Variants in PSD3 observed in about 807,000 individuals in gnomAD.
PSD3 encodes the protein pleckstrin and Sec7 domain containing 3.
In PSD3, 49 loss-of-function variants were observed where a neutral mutation model predicts 105.5. The observed-to-expected ratio is 0.46, with a 90% CI of 0.37 to 0.59. The LOEUF is 0.59. PSD3 is among the 20% of genes least tolerant of loss of function. PSD3 has a pLI of 0.00. For synonymous variants in PSD3, 557 were observed against 457.8 expected, an observed-to-expected ratio of 1.22 and a Z score of -2.77; for missense variants, 1,561 against 1,263.8, an observed-to-expected ratio of 1.24 and a Z score of -3.57.
At chr8:18,588,115 T>C (rs1017927931) in intron 12 of PSD3, among the ~76,000 whole-genome samples, 2 of 152,164 alleles carry the variant, frequency 1.3e-5, no homozygotes, top group Non-Finnish European at 2.9e-5. Context: ...AAGAACGCTA[T>C]GATGCAAAAG....
At position 18,756,127 on chromosome 8, in the gene PSD3, C is replaced by T. The variant is rs992015778; in HGVS notation, c.2172+9322G>A. On this transcript the variant is annotated intron_variant, in intron 9 of 15. Coordinates refer to ENST00000327040, the MANE Select transcript of PSD3 (RefSeq NM_015310.4). ...CTTACACAGGACAGGCATCCAAGCC[C>T]TCTTCCTCCATGGATACTGTTGCTA... is the stretch of plus-strand genomic sequence containing the variant. 5.3e-5 allele frequency among the ~76,000 whole-genome samples: 8 copies of T among 152,284 alleles called. No individual in the cohort carries two copies. In the East Asian group the frequency reaches 1.5e-3, roughly 29 times the overall value.
intron 1 of PSD3, among the ~76,000 whole-genome samples, chr8:18,983,822 G>A (rs1825360935): frequency 6.6e-6 from 1 of 151,618 alleles, no homozygotes; most frequent in African/African-American, 2.4e-5. Context: ...AACATAGCCA[G>A]ACGCCGTCTC....
intron 11 of PSD3, among the ~76,000 whole-genome samples, chr8:18,621,019 A>ACATT (rs1442957741): frequency 7.2e-5 from 11 of 152,376 alleles, no homozygotes; most frequent in African/African-American, 2.6e-4. Context: ...TGAAAACTGA[A>ACATT]CATTCCTCTT....
At chr8:18,988,654 G>A (rs1270748838) in intron 1 of PSD3, among the ~76,000 whole-genome samples, 1 of 152,078 alleles carries the variant, frequency 6.6e-6, no homozygotes, top group Non-Finnish European at 1.5e-5. Context: ...CACTACTTAA[G>A]CCATTGTTCA....
At chr8:18,790,594 G>T (rs375901664) in intron 8 of PSD3, among the ~76,000 whole-genome samples, 2 of 152,060 alleles carry the variant, frequency 1.3e-5, no homozygotes, top group Non-Finnish European at 2.9e-5. Context: ...GAGCCACTAC[G>T]CCTGGCCAAC....
intron 8 of PSD3, among the ~76,000 whole-genome samples, chr8:18,779,420 C>T (rs76783307): frequency 0.026 from 3,863 of 150,798 alleles, 166 homozygotes; most frequent in East Asian, 0.14. Flanking sequence ...CACTGATCCT[C>T]TGTATAGCCT....
At chr8:18,883,792 T>C (rs1818276797) in intron 2 of PSD3, among the ~76,000 whole-genome samples, 1 of 152,228 alleles carries the variant, frequency 6.6e-6, no homozygotes, top group Admixed American at 6.5e-5. Context: ...TATAATCTAT[T>C]TCCTATGACT....
intron 15 of PSD3, among the ~76,000 whole-genome samples, chr8:18,555,209 A>G (rs888688874): frequency 1.3e-5 from 2 of 152,154 alleles, no homozygotes; most frequent in Non-Finnish European, 2.9e-5. Flanking sequence ...AGGGCTCAGC[A>G]GAGGAAGTAG....
At chr8:18,681,879 CA>C (rs923611938) in intron 9 of PSD3, among the ~76,000 whole-genome samples, 13 of 151,406 alleles carry the variant, frequency 8.6e-5, no homozygotes, top group South Asian at 2.1e-4. Flanking sequence ...ACATATGCCT[CA>C]AAAAAATACT....
intron 8 of PSD3, among the ~76,000 whole-genome samples, chr8:18,789,908 A>G (rs138775343): frequency 6.6e-6 from 1 of 152,196 alleles, no homozygotes; most frequent in Non-Finnish European, 1.5e-5. Context: ...GTGCCAATGT[A>G]AAAAGCTTAC....
chr8:18,661,588 C>T (rs1809351705), intron 9 of PSD3, among the ~76,000 whole-genome samples: 1 of 152,212 alleles, frequency 6.6e-6, no homozygotes, highest in Admixed American at 6.5e-5. Flanking sequence ...TAGGAAGCTT[C>T]TCCAAAACTA....
chr8:18,916,378 A>ACAC (rs71218909), intron 2 of PSD3, among the ~76,000 whole-genome samples: 906 of 83,904 alleles, frequency 0.011, 59 homozygotes, highest in Middle Eastern at 0.029. Context: ...ACACACACAC[A>ACAC]AACAGAATAC....
At chr8:18,664,720 G>T (rs1473358604) in intron 9 of PSD3, among the ~76,000 whole-genome samples, 2 of 152,176 alleles carry the variant, frequency 1.3e-5, no homozygotes, top group African/African-American at 4.8e-5. Flanking sequence ...GATAGCTAGG[G>T]AGAAGTCAAT....
intron 11 of PSD3, among the ~76,000 whole-genome samples, chr8:18,605,634 G>C (rs1804771751): frequency 6.6e-6 from 1 of 152,102 alleles, no homozygotes; most frequent in Non-Finnish European, 1.5e-5. Flanking sequence ...AGGGGCCTGG[G>C]GCGGAATGAT....
At chr8:18,576,620 G>T (rs1475353191) in intron 12 of PSD3, among the ~76,000 whole-genome samples, 1 of 152,008 alleles carries the variant, frequency 6.6e-6, no homozygotes. Context: ...ATCAGAGTAG[G>T]AATTTCAACT....
At chr8:18,971,712 T>C (rs1202914824) in intron 1 of PSD3, among the ~76,000 whole-genome samples, 10 of 152,042 alleles carry the variant, frequency 6.6e-5, no homozygotes, top group African/African-American at 2.2e-4. Context: ...TGTTCTAAAA[T>C]ACTATAAACA....
rs1466256706 is a variant in PSD3 at position 18,530,784 on chromosome 8, G to A, written c.*4959C>T. 1 of 151,384 alleles carries A rather than the reference G, an allele frequency of 6.6e-6. No homozygotes were observed. Among genetic ancestry groups the A allele is most frequent in the Admixed American group, 6.6e-5 (1 of 15,194 alleles). The allele number at this position is 151,384 out of a possible 1,614,324, so 9.4% of individuals were successfully genotyped here. A position where few individuals can be genotyped will look rare whatever the true frequency, so the allele number is the denominator to read the frequency against. On this transcript the variant is annotated 3_prime_UTR_variant, in exon 16 of 16. Transcript: ENST00000327040. ...ACACTGCAAAAGATTCACAAGGTTAGTTGAAAGTCATTTTTGCCCTGGTGA... is the reference window on the plus strand; with the variant it reads ...ACACTGCAAAAGATTCACAAGGTTAATTGAAAGTCATTTTTGCCCTGGTGA...
chr8:18,785,262 T>C (rs1300514542), intron 8 of PSD3, among the ~76,000 whole-genome samples: 2 of 152,224 alleles, frequency 1.3e-5, no homozygotes, highest in Non-Finnish European at 2.9e-5. Flanking sequence ...TGTTCTTCCT[T>C]GTTTCTAGGA....
chr8:18,803,233 G>C, intron 6 of PSD3: 1 of 144,418 alleles, frequency 6.9e-6, no homozygotes, highest in South Asian at 1.1e-4. Flanking sequence ...GTTGCAGTGA[G>C]CCAAGATGGT....
Sources: allele counts gnomAD v4.1 joint callset (sites outside exome capture counted in the v4.1 genomes callset), GRCh38; gene constraint gnomAD v4.1.1; transcripts MANE v1.5; gene names NCBI Gene and HGNC (gene_info 2026-07-23, HGNC 2026-07-21).